TAPBP: variants seen among roughly 807,000 people sequenced by gnomAD.
TAPBP encodes the protein TAP binding protein.
A neutral mutation model predicts 45.7 loss-of-function variants in TAPBP; 38 were observed. That is an observed-to-expected ratio of 0.83 (90% CI 0.64 to 1.09). The LOEUF (loss-of-function observed/expected upper bound fraction) is 1.09. TAPBP is among the 50% of genes least tolerant of loss of function. TAPBP has a pLI of 0.00. For synonymous variants in TAPBP, 226 were observed against 254.8 expected, an observed-to-expected ratio of 0.89 and a Z score of 1.08; for missense variants, 513 against 587.3, an observed-to-expected ratio of 0.87 and a Z score of 1.31.
In TAPBP at chr6:33,304,494, C is replaced by A. The variant is rs1270992067; in HGVS notation, c.1013G>T (p.Gly338Val). 2 of 1,612,898 alleles carry A rather than the reference C, an allele frequency of 1.2e-6. No homozygotes were observed. Among genetic ancestry groups the A allele is most frequent in the Non-Finnish European group, 1.7e-6 (2 of 1,179,534 alleles). ...VEWELRGGPG[G>V]RSQKAEGQRW... is the part of the protein sequence containing the mutation. ...CTGCCCCTCGGCCTTCTGAGAGCGG[C>A]CCCCTGGGCCACCCCGGAGTTCCCA... Residue 338 changes from glycine to valine, a missense_variant, in exon 5 of 8, where the codon GGC (glycine) becomes GTC (valine). By Grantham distance (109) the Gly-to-Val change is moderately radical. Coordinates refer to ENST00000434618, the MANE Select transcript of TAPBP (RefSeq NM_003190.5).
Position 33,313,624 on chromosome 6 carries a change from G to T in TAPBP, c.208+70C>A, listed in dbSNP as rs1364147540. 2 of 1,563,884 alleles carry T rather than the reference G, an allele frequency of 1.3e-6. No homozygotes were observed. The highest frequency in any genetic ancestry group is 4.5e-5 in the East Asian group (2 of 44,330). On this transcript the variant is annotated intron_variant, in intron 2 of 7. Coordinates refer to ENST00000434618, the MANE Select transcript of TAPBP (RefSeq NM_003190.5). The surrounding 1 kb of genome is among the most constrained non-coding windows in gnomAD (Gnocchi z 7.2). ...GAAGCTGAGGCCTGAGGTCACTGCC[G>T]GATCTAAAGAGGAGGGGGTTTCGGT...
chr6:33,312,695 T>C (rs577569427), intron 3 of TAPBP, among the ~76,000 whole-genome samples: 1 of 152,204 alleles, frequency 6.6e-6, no homozygotes, highest in Non-Finnish European at 1.5e-5. Context: ...TCAGGCAAGG[T>C]CAACGCGCTA....
Position 33,301,630 on chromosome 6 carries a change from G to T in TAPBP, c.*130C>A. 1.5e-6 allele frequency: 1 copy of T among 653,358 alleles called. No individual in the cohort carries two copies. Among genetic ancestry groups the T allele is most frequent in the Non-Finnish European group, 2.5e-6 (1 of 395,896 alleles). The allele number at this position is 653,358 out of a possible 1,614,324, so 40.5% of individuals were successfully genotyped here. ...ATATAAGTGAAAGAAAAAAAAAAAA[G>T]CATTCCAGCCACTCAGTGGAGAGAG... is the stretch of plus-strand genomic sequence containing the variant. On this transcript the variant is annotated 3_prime_UTR_variant, in exon 8 of 8. Transcript: ENST00000434618.
chr6:33,313,464 G>C lies in TAPBP; in HGVS notation c.222C>G (p.Ala74=). ...GATACCGCCTGAAGGCAGCCTGGAG[G>C]GCGCCCGCGGGGTCTGAGTGTAGAG... ...LYLSVHDPAG[A]LQAAFRRYPR... The change falls in exon 3 of 8, where the codon GCC becomes GCG. Residue 74 remains alanine (A), a synonymous_variant. Transcript: ENST00000434618. The surrounding 1 kb of genome is among the most constrained non-coding windows in gnomAD (Gnocchi z 7.2). 6.4e-7 allele frequency: 1 copy of C among 1,573,888 alleles called. No homozygotes were observed. Among genetic ancestry groups the C allele is most frequent in the African/African-American group, 1.3e-5 (1 of 74,160 alleles).
intron 3 of TAPBP, among the ~76,000 whole-genome samples, chr6:33,311,067 A>G (rs1011001290): frequency 6.6e-6 from 1 of 152,220 alleles, no homozygotes; most frequent in African/African-American, 2.4e-5. Flanking sequence ...CTGTAATCCC[A>G]GCACTTTGGA....
intron 3 of TAPBP, among the ~76,000 whole-genome samples, chr6:33,309,028 G>A (rs954730672): frequency 2.0e-5 from 3 of 151,468 alleles, no homozygotes; most frequent in Middle Eastern, 3.4e-3. Flanking sequence ...GTTCAGTAGA[G>A]TAAAAACAGT....
chr6:33,314,024 CAG>C lies in TAPBP; in HGVS notation c.16_17del (p.Leu6AlafsTer57). ...GCTCACCCAAAGCCACAGCGAGGAG[CAG>C]AGACAGGGACTTCATGGCGCTGCGA... MKSLS[L>X]LLAVALGLAT... On this transcript the variant is annotated frameshift_variant, in exon 1 of 8. Transcript: ENST00000434618. LOFTEE classifies it high-confidence loss of function. The C allele has an allele frequency of 6.2e-7, 1 of 1,614,018 alleles. No individual in the cohort carries two copies. The highest frequency in any genetic ancestry group is 8.5e-7 in the Non-Finnish European group (1 of 1,180,032).
Position 33,301,434 on chromosome 6 carries a change from T to TG in TAPBP, c.*325dup, listed in dbSNP as rs1768574592. 2 of 329,080 alleles carry TG rather than the reference T, an allele frequency of 6.1e-6. No homozygotes were observed. Among genetic ancestry groups the TG allele is most frequent in the African/African-American group, 4.3e-5 (2 of 46,596 alleles). The allele number at this position is 329,080 out of a possible 1,614,324, so 20.4% of individuals were successfully genotyped here. A position where few individuals can be genotyped will look rare whatever the true frequency, so the allele number is the denominator to read the frequency against. On this transcript the variant is annotated 3_prime_UTR_variant, in exon 8 of 8. Coordinates refer to ENST00000434618, the MANE Select transcript of TAPBP (RefSeq NM_003190.5). Reference sequence around the variant, plus strand: ...ACTAAAAATACAAAAATTCACTGGGTGTGGTGGCATGTGCCTGTAATCCCA... The same window carrying TG: ...ACTAAAAATACAAAAATTCACTGGGTGGTGGTGGCATGTGCCTGTAATCCCA...
intron 4 of TAPBP, 126 bp from the exon 5 acceptor site, chr6:33,304,764 A>T (rs1800838): frequency 0.48 from 608,565 of 1,275,234 alleles, 151,757 homozygotes; most frequent in South Asian, 0.61. Context: ...TGAAATAGGG[A>T]ACCCACTGTC....
In TAPBP at chr6:33,304,127, C is replaced by G; in HGVS notation, c.1300+1G>C. Reference sequence around the variant, plus strand: ...ATGGTCAGGGTAGGGCTGACACTTACCAGCCCAGCCCAGTGCCTTGAAGAG... The same window carrying G: ...ATGGTCAGGGTAGGGCTGACACTTAGCAGCCCAGCCCAGTGCCTTGAAGAG... On this transcript the variant is annotated splice_donor_variant, in intron 6 of 7. Coordinates refer to ENST00000434618, the MANE Select transcript of TAPBP (RefSeq NM_003190.5). LOFTEE classifies it high-confidence loss of function. 1 of 1,612,932 alleles carries G rather than the reference C, an allele frequency of 6.2e-7. No homozygotes were observed.
In TAPBP at chr6:33,313,728, C is replaced by A. The variant is rs45501592; in HGVS notation, c.174G>T (p.Pro58=). The part of the protein sequence containing the change: ...RQGPGEPPPR[P]DLDPELYLSV... ...TGAGATAGAGCTCAGGGTCGAGGTC[C>A]GGCCGGGGCGGCGGTTCCCCCGGTC... The change falls in exon 2 of 8, where the codon CCG becomes CCT. Residue 58 remains proline, a synonymous_variant. Coordinates refer to ENST00000434618, the MANE Select transcript of TAPBP (RefSeq NM_003190.5). The surrounding 1 kb of genome is among the most constrained non-coding windows in gnomAD (Gnocchi z 7.2). 5.9e-3 allele frequency: 9,556 copies of A among 1,613,364 alleles called. 33 individuals are homozygous for A. The highest frequency in any genetic ancestry group is 8.4e-3 in the Middle Eastern group (51 of 6,060).
At chr6:33,312,187 G>T (rs1769396964) in intron 3 of TAPBP, among the ~76,000 whole-genome samples, 2 of 152,126 alleles carry the variant, frequency 1.3e-5, no homozygotes, top group Admixed American at 6.6e-5. Context: ...GAGAGCTACT[G>T]TCTACACAAG....
In TAPBP at chr6:33,313,241, G is replaced by C. The variant is rs1322256054; in HGVS notation, c.445C>G (p.Pro149Ala). ...LRPQPEPQQEPVLITMATVVL... is the reference protein window; with the variant it reads ...LRPQPEPQQEAVLITMATVVL... ...CCTGTTGCCATGGTGATGAGAACAG[G>C]CTCCTGCTGAGGCTCTGGCTGTGGT... The change falls in exon 3 of 8, where the codon CCT (proline) becomes GCT (alanine). Residue 149 changes from proline to alanine, a missense_variant. Coordinates refer to ENST00000434618, the MANE Select transcript of TAPBP (RefSeq NM_003190.5). The surrounding 1 kb of genome is among the most constrained non-coding windows in gnomAD (Gnocchi z 7.2). 1.9e-6 allele frequency: 3 copies of C among 1,613,904 alleles called. No individual in the cohort carries two copies. Among genetic ancestry groups the C allele is most frequent in the Non-Finnish European group, 2.5e-6 (3 of 1,179,852 alleles).
intron 7 of TAPBP, among the ~76,000 whole-genome samples, chr6:33,303,005 C>T (rs1334539997): frequency 6.6e-6 from 1 of 152,130 alleles, no homozygotes; most frequent in African/African-American, 2.4e-5. Flanking sequence ...TGAGCATCGC[C>T]GATCCAAAAC....
intron 3 of TAPBP, among the ~76,000 whole-genome samples, chr6:33,306,911 G>A (rs1265027506): frequency 6.6e-6 from 1 of 151,314 alleles, no homozygotes; most frequent in Admixed American, 6.6e-5. Context: ...CCGGGAAGCA[G>A]AGGTTGCGGT....
intron 7 of TAPBP, among the ~76,000 whole-genome samples, chr6:33,302,326 G>A (rs144764185): frequency 6.6e-6 from 1 of 150,778 alleles, no homozygotes; most frequent in East Asian, 2.0e-4. Context: ...GTTTTGTTTT[G>A]TTTTGTTTTG....
Position 33,305,038 on chromosome 6 carries a change from T to C in TAPBP, c.819A>G (p.Ile273Met). The stretch of plus-strand genomic sequence containing the variant: ...CCTGTCCTTGCAGGTATGGCAGGTG[T>C]ATGGTGGCCAGATAGGTGCCCTCCT... ...PFQEGTYLAT[I>M]HLPYLQGQVT... The change falls in exon 4 of 8, where the codon ATA becomes ATG. Residue 273 changes from isoleucine to methionine, a missense_variant. Transcript: ENST00000434618. The surrounding 1 kb of genome is among the most constrained non-coding windows in gnomAD (Gnocchi z 4.4). 1 of 1,614,132 alleles carries C rather than the reference T, an allele frequency of 6.2e-7. No homozygotes were observed. Among genetic ancestry groups the C allele is most frequent in the Non-Finnish European group, 8.5e-7 (1 of 1,180,010 alleles).
At chr6:33,302,911 G>A (rs373696045) in intron 7 of TAPBP, among the ~76,000 whole-genome samples, 10 of 152,192 alleles carry the variant, frequency 6.6e-5, no homozygotes, top group African/African-American at 2.4e-4. Context: ...CCAAAGTGCA[G>A]GGATTACAGG....
In TAPBP at chr6:33,313,277, T is replaced by C. The variant is rs1402275385; in HGVS notation, c.409A>G (p.Ser137Gly). 5 of 1,613,774 alleles carry C rather than the reference T, an allele frequency of 3.1e-6. No individual in the cohort carries two copies. The Admixed American group carries it at 6.7e-5, about 22-fold the overall frequency. ...GGCTCTGGCTGTGGTCGCAAGAGGC[T>C]GGAGAGGCTGAGGACTGGGCTGGAT... ...SISSPVLSLSSLLRPQPEPQQ... is the reference protein window; with the variant it reads ...SISSPVLSLSGLLRPQPEPQQ... The change falls in exon 3 of 8, where the codon AGC becomes GGC. Residue 137 changes from serine (S) to glycine (G), a missense_variant. By Grantham distance (56) the Ser-to-Gly change is moderately conservative. Transcript: ENST00000434618. The surrounding 1 kb of genome is among the most constrained non-coding windows in gnomAD (Gnocchi z 7.2).
Sources: allele counts gnomAD v4.1 joint callset (sites outside exome capture counted in the v4.1 genomes callset), GRCh38; gene constraint gnomAD v4.1.1; non-coding constraint Gnocchi (gnomAD v3.1); transcripts MANE v1.5; gene names NCBI Gene and HGNC (gene_info 2026-07-23, HGNC 2026-07-21).